Variants in SMC3 observed in about 807,000 individuals in gnomAD.
The protein encoded by SMC3 is structural maintenance of chromosomes protein 3.
SMC3 carries 20 observed loss-of-function variants against 171.8 expected under a neutral mutation model. The observed-to-expected ratio is 0.12, with a 90% CI of 0.08 to 0.17. The LOEUF (loss-of-function observed/expected upper bound fraction) is 0.17, where lower values mean the gene tolerates loss of function less well. Ranked by LOEUF, SMC3 falls within the 10% of genes least tolerant of loss-of-function variation. SMC3 has a pLI of 1.00. For missense variants in SMC3, 543 were observed against 1,420.4 expected (o/e 0.38, Z 9.93); for synonymous variants, 464 against 451.1 (o/e 1.03, Z -0.36).
intron 1 of SMC3, 53 bp downstream of exon 1, chr10:110,567,884 T>C: frequency 6.2e-7 from 1 of 1,607,514 alleles, no homozygotes; most frequent in Non-Finnish European, 8.5e-7. Flanking sequence ...GGCCGCTCCT[T>C]GAGGCGGGAG....
At position 110,591,092 on chromosome 10, in the gene SMC3, A is replaced by G; in HGVS notation, c.1772A>G (p.Asn591Ser). 6.2e-7 allele frequency: 1 copy of G among 1,613,982 alleles called. No individual in the cohort carries two copies. Among genetic ancestry groups the G allele is most frequent in the Non-Finnish European group, 8.5e-7 (1 of 1,179,900 alleles). Reference sequence around the variant, plus strand: ...GGAGAGGTTACTTTTCTGCCTCTTAACAAGTTAGATGTCAGGGATACAGCC... The same window carrying G: ...GGAGAGGTTACTTTTCTGCCTCTTAGCAAGTTAGATGTCAGGGATACAGCC... Reference protein sequence around the residue: ...LPGEVTFLPLNKLDVRDTAYP... With the variant: ...LPGEVTFLPLSKLDVRDTAYP... Residue 591 changes from asparagine to serine, a missense_variant, in exon 17 of 29, where the codon AAC becomes AGC. Physicochemically the swap from Asn to Ser is conservative, Grantham distance 46. This residue lies in a region of SMC3 where 218 missense variants were observed against 509.6 expected (regional missense o/e 0.43). Coordinates refer to ENST00000361804, the MANE Select transcript of SMC3 (RefSeq NM_005445.4).
intron 17 of SMC3, among the ~76,000 whole-genome samples, 153 bp downstream of exon 17, chr10:110,591,285 G>T (rs1360006174): frequency 6.6e-6 from 1 of 152,190 alleles, no homozygotes; most frequent in African/African-American, 2.4e-5. Flanking sequence ...AGTGCTGAGT[G>T]GGTTTTGGGG....
chr10:110,573,435 T>C (rs193127306), intron 2 of SMC3, among the ~76,000 whole-genome samples: 2 of 152,274 alleles, frequency 1.3e-5, no homozygotes, highest in Admixed American at 6.5e-5. Context: ...TATATTTAGC[T>C]ATTCCTATTC....
intron 20 of SMC3, among the ~76,000 whole-genome samples, chr10:110,598,707 A>G (rs1417337042): frequency 1.3e-5 from 2 of 152,064 alleles, no homozygotes; most frequent in African/African-American, 4.8e-5. Flanking sequence ...TGCCCAGGCT[A>G]GACCCATACT....
intron 28 of SMC3, 117 bp from the exon 29 acceptor site, chr10:110,604,114 A>C (rs1260421959): frequency 5.4e-6 from 3 of 555,904 alleles, no homozygotes; most frequent in East Asian, 3.9e-5. Flanking sequence ...AAAAAAAAAA[A>C]AAACTAAAAA....
chr10:110,590,099 A>G (rs1861182526), intron 15 of SMC3, 108 bp downstream of exon 15: 1 of 864,136 alleles, frequency 1.2e-6, no homozygotes, highest in Non-Finnish European at 1.9e-6. Context: ...CAAGTGATAA[A>G]TAGGAGTCCA....
At position 110,599,255 on chromosome 10, in the gene SMC3, A is replaced by G. The variant is rs888235827; in HGVS notation, c.2269-399A>G. Among the ~76,000 whole-genome samples, 7 of 151,994 alleles carry G rather than the reference A, an allele frequency of 4.6e-5. No individual in the cohort carries two copies. The South Asian group carries it at 6.2e-4, about 14-fold the overall frequency. On this transcript the variant is annotated intron_variant, in intron 20 of 28. Coordinates refer to ENST00000361804, the MANE Select transcript of SMC3 (RefSeq NM_005445.4). The stretch of plus-strand genomic sequence containing the variant: ...TGGGATTGCAGGCGTGTGCCTCCAC[A>G]CCCAGCTAATTTTTGTATTTTCAGT...
At chr10:110,577,375 G>A in intron 4 of SMC3, 46 bp from the exon 5 acceptor site, 1 of 1,370,636 alleles carries the variant, frequency 7.3e-7, no homozygotes, top group Non-Finnish European at 1.0e-6. Flanking sequence ...TAAAGGATAT[G>A]AATATACAAC....
intron 6 of SMC3, among the ~76,000 whole-genome samples, chr10:110,578,214 C>T (rs1344466255): frequency 6.6e-6 from 1 of 152,158 alleles, no homozygotes; most frequent in Non-Finnish European, 1.5e-5. Context: ...GCTGGGATTG[C>T]AGGCAGTCAC....
chr10:110,598,451 GGCTGGAGT>G (rs1410889672), intron 20 of SMC3, among the ~76,000 whole-genome samples, 161 bp downstream of exon 20: 2 of 151,598 alleles, frequency 1.3e-5, no homozygotes, highest in African/African-American at 4.9e-5. Flanking sequence ...GTCTCACCCA[GGCTGGAGT>G]GCAGTGGTGC....
chr10:110,576,316 C>G (rs905048203), intron 4 of SMC3, among the ~76,000 whole-genome samples: 1 of 152,138 alleles, frequency 6.6e-6, no homozygotes, highest in Non-Finnish European at 1.5e-5. Flanking sequence ...TGGGGACCAC[C>G]TGTATATTTA....
At chr10:110,596,611 C>G in intron 19 of SMC3, 61 bp downstream of exon 19, 1 of 1,495,768 alleles carries the variant, frequency 6.7e-7, no homozygotes, top group Non-Finnish European at 9.2e-7. Context: ...GTTTTGGTTG[C>G]CATATATAAT....
At chr10:110,587,681 G>A (rs1474768819) in intron 13 of SMC3, among the ~76,000 whole-genome samples, 4 of 140,358 alleles carry the variant, frequency 2.8e-5, no homozygotes, top group African/African-American at 8.3e-5. Context: ...GCGAGACTCC[G>A]TCTCAAAGAA....
At chr10:110,576,984 G>A (rs571697129) in intron 4 of SMC3, among the ~76,000 whole-genome samples, 6 of 152,254 alleles carry the variant, frequency 3.9e-5, no homozygotes, top group African/African-American at 1.2e-4. Context: ...ATTAAAATGA[G>A]ACTGTAAGAG....
chr10:110,576,872 G>A (rs1413333052), intron 4 of SMC3, among the ~76,000 whole-genome samples: 2 of 152,056 alleles, frequency 1.3e-5, no homozygotes, highest in Non-Finnish European at 2.9e-5. Context: ...TGTTAAATGT[G>A]TATATTTCTA....
In SMC3 at chr10:110,596,488, CAGA is replaced by C. The variant is rs755507236; in HGVS notation, c.2062_2064del (p.Glu688del). The C allele has an allele frequency of 7.4e-5, 119 of 1,613,840 alleles. No homozygotes were observed. The highest frequency in any genetic ancestry group is 6.7e-5 in the African/African-American group (5 of 74,862). ...GAATTGCAAAAAGATGTTAGAAAAG[CAGA>C]AGAAGAACTAGGTGAACTTGAAGCA... On this transcript the variant is annotated inframe_deletion, in exon 19 of 29. Coordinates refer to ENST00000361804, the MANE Select transcript of SMC3 (RefSeq NM_005445.4).
At chr10:110,591,247 T>TA in intron 17 of SMC3, 115 bp downstream of exon 17, 1 of 1,040,344 alleles carries the variant, frequency 9.6e-7, no homozygotes. Context: ...GTGTATGAGA[T>TA]AAAAATATCT....
At chr10:110,578,050 A>G (rs1477880422) in intron 6 of SMC3, 136 bp downstream of exon 6, 5 of 668,480 alleles carry the variant, frequency 7.5e-6, no homozygotes, top group Non-Finnish European at 1.3e-5. Flanking sequence ...CTAGGATTAC[A>G]GACATGAGCC....
intron 2 of SMC3, among the ~76,000 whole-genome samples, chr10:110,569,581 A>G (rs931584473): frequency 6.6e-6 from 1 of 152,166 alleles, no homozygotes; most frequent in Non-Finnish European, 1.5e-5. Flanking sequence ...ATGTATACCT[A>G]TGTAACAAAC....
Sources: gnomAD v4.1 joint callset for allele counts (sites outside exome capture counted in the v4.1 genomes callset) on GRCh38, gnomAD v4.1.1 for gene constraint, gnomAD v4.1.1 regional missense constraint, MANE v1.5 for transcripts, NCBI Gene and HGNC (gene_info 2026-07-23, HGNC 2026-07-21) for gene names.